TMEM74: variants seen among roughly 807,000 people sequenced by gnomAD.
The protein encoded by TMEM74 is transmembrane protein 74.
Under a neutral mutation model 18.1 loss-of-function variants are expected in TMEM74, and 13 were observed. That is an observed-to-expected ratio of 0.72 (90% confidence interval 0.47 to 1.14). The LOEUF (loss-of-function observed/expected upper bound fraction) is 1.14, where lower values mean the gene tolerates loss of function less well. Ranked by LOEUF, TMEM74 falls within the 50% of genes most tolerant of loss-of-function variation. TMEM74 has a pLI of 0.00. For missense variants in TMEM74, 372 were observed against 375.9 expected, an observed-to-expected ratio of 0.99 and a Z score of 0.09; for synonymous variants, 159 against 146.6, an observed-to-expected ratio of 1.08 and a Z score of -0.61.
At chr8:108,664,287 ATC>A (rs1262507892) in intron 1 of TMEM74, among the ~76,000 whole-genome samples, 1 of 152,034 alleles carries the variant, frequency 6.6e-6, no homozygotes, top group Admixed American at 6.6e-5. Context: ...TGTTTATGTC[ATC>A]TCTGATTTCT....
At chr8:108,699,508 C>T (rs996564911) in intron 1 of TMEM74, among the ~76,000 whole-genome samples, 1 of 152,016 alleles carries the variant, frequency 6.6e-6, no homozygotes, top group African/African-American at 2.4e-5. Flanking sequence ...TAATCTCACA[C>T]TTGGTGTTCT....
chr8:108,765,762 A>T (rs1000716893), intron 1 of TMEM74, among the ~76,000 whole-genome samples: 55 of 152,134 alleles, frequency 3.6e-4, no homozygotes, highest in African/African-American at 1.3e-3. Flanking sequence ...CATACTTAAC[A>T]ATTTATAGAG....
intron 1 of TMEM74, among the ~76,000 whole-genome samples, chr8:108,679,364 A>G (rs554580190): frequency 1.1e-3 from 173 of 152,312 alleles, no homozygotes; most frequent in African/African-American, 4.0e-3. Context: ...AGTCCCACCA[A>G]CAGTGTAAAA....
chr8:108,692,679 G>T (rs1214907051), intron 1 of TMEM74, among the ~76,000 whole-genome samples: 3 of 151,950 alleles, frequency 2.0e-5, no homozygotes, highest in Admixed American at 1.3e-4. Flanking sequence ...CTTATAATTT[G>T]CCCCAGCCTG....
chr8:108,657,856 AAAAATATATATAT>A lies in TMEM74; in HGVS notation n.120-2432_120-2420del, dbSNP rs1443609011. ...AGACACCGTCTCAAAAAAAAAAAAA[AAAAATATATATAT>A]ATATATATATATATATATATATATA... On this transcript the variant is annotated intron_variant and non_coding_transcript_variant, in intron 1 of 3. Transcript: ENST00000518838. Among the ~76,000 whole-genome samples the A allele has an allele frequency of 7.2e-5, 5 of 69,816 alleles. No individual in the cohort carries two copies. In the East Asian group the frequency reaches 2.1e-3, roughly 30 times the overall value. 45.8% of individuals were successfully genotyped at this position (69,816 alleles called of 152,430 possible). A position where few individuals can be genotyped will look rare whatever the true frequency, so the allele number is the denominator to read the frequency against.
chr8:108,720,494 A>G (rs1813574823), intron 1 of TMEM74, among the ~76,000 whole-genome samples: 1 of 152,322 alleles, frequency 6.6e-6, no homozygotes, highest in East Asian at 1.9e-4. Context: ...ATAACTTCTT[A>G]TGCTTTATGA....
At chr8:108,660,339 C>T (rs1160950455) in intron 1 of TMEM74, among the ~76,000 whole-genome samples, 1 of 152,170 alleles carries the variant, frequency 6.6e-6, no homozygotes, top group East Asian at 1.9e-4. Flanking sequence ...GTTAAGATTC[C>T]TTCCATTGAA....
At position 108,740,631 on chromosome 8, in the gene TMEM74, A is replaced by G. The variant is rs1171575406; in HGVS notation, n.119+46845T>C. Among the ~76,000 whole-genome samples the G allele has an allele frequency of 2.6e-5, 4 of 152,124 alleles. No individual in the cohort carries two copies. In the East Asian group the frequency reaches 7.7e-4, roughly 29 times the overall value. On this transcript the variant is annotated intron_variant and non_coding_transcript_variant, in intron 1 of 3. Transcript: ENST00000518838. ...TGCTCACTTCATGTTTCTGTGTCAC[A>G]TTTTTGCAATTTTCACAATATTTGA...
intron 1 of TMEM74, among the ~76,000 whole-genome samples, chr8:108,656,929 T>A (rs1334440785): frequency 7.9e-5 from 12 of 152,086 alleles, no homozygotes; most frequent in African/African-American, 1.4e-4. Context: ...CTGGTAAAAA[T>A]TTTTTCCAGA....
rs139868736 is a variant in TMEM74, at chr8:108,745,377, A to C, written n.119+42099T>G. On this transcript the variant is annotated intron_variant and non_coding_transcript_variant, in intron 1 of 3. Transcript: ENST00000518838. ...TGAACAAGTGTGTCAGTGTCCAATA[A>C]AACTTTACTTATGAACACTAGCATT... Among the ~76,000 whole-genome samples the C allele has an allele frequency of 3.5e-3, 538 of 152,292 alleles. 3 individuals are homozygous for C. The highest frequency in any genetic ancestry group is 0.012 in the African/African-American group (512 of 41,566).
chr8:108,760,259 A>G (rs981786960), intron 1 of TMEM74, among the ~76,000 whole-genome samples: 2 of 151,830 alleles, frequency 1.3e-5, no homozygotes, highest in East Asian at 3.9e-4. Context: ...AATAGGTCTG[A>G]AGGCCTTTTT....
At chr8:108,776,818 G>A (rs1814239709), downstream of TMEM74, among the ~76,000 whole-genome samples, 1 of 152,000 alleles carries the variant, frequency 6.6e-6, no homozygotes, top group Non-Finnish European at 1.5e-5. Flanking sequence ...AGGAAATTAA[G>A]AAGGAAAAGG....
intron 1 of TMEM74, among the ~76,000 whole-genome samples, chr8:108,666,547 T>G (rs1022341508): frequency 6.6e-6 from 1 of 152,164 alleles, no homozygotes; most frequent in African/African-American, 2.4e-5. Flanking sequence ...TGTAACGGAC[T>G]TTCTTTTGCT....
intron 2 of TMEM74, among the ~76,000 whole-genome samples, chr8:108,628,778 A>T (rs1290705452): frequency 6.6e-6 from 1 of 152,074 alleles, no homozygotes; most frequent in Non-Finnish European, 1.5e-5. Context: ...AGTTCTCCAC[A>T]TCCTCGCCAG....
chr8:108,730,634 CTT>C (rs1199122765), intron 1 of TMEM74, among the ~76,000 whole-genome samples: 14 of 132,144 alleles, frequency 1.1e-4, no homozygotes, highest in East Asian at 2.1e-4. Flanking sequence ...TGCAGACTTC[CTT>C]TTTTTTTTTT....
chr8:108,753,409 A>G (rs1259293070), intron 1 of TMEM74, among the ~76,000 whole-genome samples: 1 of 152,054 alleles, frequency 6.6e-6, no homozygotes, highest in Non-Finnish European at 1.5e-5. Flanking sequence ...CGTGGTGTTG[A>G]GCATTTGCCA....
At chr8:108,704,539 G>T (rs2130618060) in intron 1 of TMEM74, among the ~76,000 whole-genome samples, 1 of 147,298 alleles carries the variant, frequency 6.8e-6, no homozygotes, top group African/African-American at 2.5e-5. Flanking sequence ...AGGTCTACAG[G>T]AACAGATCTA....
At chr8:108,745,710 C>G (rs914955357) in intron 1 of TMEM74, among the ~76,000 whole-genome samples, 1 of 152,102 alleles carries the variant, frequency 6.6e-6, no homozygotes, top group Non-Finnish European at 1.5e-5. Context: ...TCGTCTTATG[C>G]CCAATTTCTG....
At chr8:108,737,005 C>A (rs982987112) in intron 1 of TMEM74, among the ~76,000 whole-genome samples, 1 of 152,014 alleles carries the variant, frequency 6.6e-6, no homozygotes, top group Non-Finnish European at 1.5e-5. Context: ...AAAAGACAAA[C>A]GTTTAACTTT....
Sources: allele counts gnomAD v4.1 joint callset (sites outside exome capture counted in the v4.1 genomes callset), GRCh38; gene constraint gnomAD v4.1.1; transcripts MANE v1.5; gene names NCBI Gene and HGNC (gene_info 2026-07-23, HGNC 2026-07-21).